CAPS2: variants seen among roughly 807,000 people sequenced by gnomAD.
CAPS2 encodes the protein calcyphosine 2.
In CAPS2, 98 loss-of-function variants were observed where a neutral mutation model predicts 86.5. The ratio of observed to expected loss-of-function variants is 1.13; its 90% CI spans 0.96 to 1.34. CAPS2 has a LOEUF of 1.34. Ranked by LOEUF, CAPS2 falls within the 40% of genes most tolerant of loss-of-function variation. The probability of loss-of-function intolerance (pLI) is 0.00; values close to 1 mark genes in which losing one functional copy is unlikely to be tolerated. For synonymous variants in CAPS2, 210 were observed against 225.1 expected (o/e 0.93, Z 0.60); for missense variants, 729 against 686.8 (o/e 1.06, Z -0.69).
intron 1 of CAPS2, among the ~76,000 whole-genome samples, chr12:75,362,845 C>T (rs1381643846): frequency 6.6e-6 from 1 of 152,094 alleles, no homozygotes; most frequent in Non-Finnish European, 1.5e-5. Context: ...CTATCACATG[C>T]ATAATTACAC....
At chr12:75,359,493 T>C (rs1403851440) in intron 1 of CAPS2, among the ~76,000 whole-genome samples, 1 of 149,208 alleles carries the variant, frequency 6.7e-6, no homozygotes, top group Non-Finnish European at 1.5e-5. Flanking sequence ...AGTGCAAAAA[T>C]TTTGAATAAC....
intron 1 of CAPS2, chr12:75,390,413 C>T (rs2045526362): frequency 6.6e-6 from 3 of 456,028 alleles, no homozygotes; most frequent in Admixed American, 4.7e-5. Flanking sequence ...ATGTTTTAAC[C>T]TTTGAAGAGT....
chr12:75,348,119 A>T (rs1341525889), intron 1 of CAPS2, among the ~76,000 whole-genome samples: 4 of 152,210 alleles, frequency 2.6e-5, no homozygotes, highest in Non-Finnish European at 5.9e-5. Flanking sequence ...TTAAGAAAAG[A>T]ACAACATAAC....
rs901543620 is a variant in CAPS2 at position 75,278,487 on chromosome 12, G to A, written c.*403C>T. ...GGTGGCAAATATATTCTGAGGAAGA[G>A]GTAGCAAAAAACAATGTGAAAGGAC... On this transcript the variant is annotated 3_prime_UTR_variant, in exon 17 of 17. Coordinates refer to ENST00000393284, the Ensembl canonical transcript of CAPS2. 6.1e-6 allele frequency: 6 copies of A among 986,936 alleles called. No homozygotes were observed. In the African/African-American group the frequency reaches 1.0e-4, roughly 17 times the overall value. The allele number at this position is 986,936 out of a possible 1,614,324, so 61.1% of individuals were successfully genotyped here. A position where few individuals can be genotyped will look rare whatever the true frequency, so the allele number is the denominator to read the frequency against.
At chr12:75,347,550 C>A in intron 1 of CAPS2, 1 of 901,994 alleles carries the variant, frequency 1.1e-6, no homozygotes. Context: ...AAAGATTATA[C>A]CAATTCTCTA....
chr12:75,363,152 T>C, intron 1 of CAPS2: 1 of 1,553,860 alleles, frequency 6.4e-7, no homozygotes, highest in Non-Finnish European at 8.6e-7. Flanking sequence ...TCTTGCTCTC[T>C]CTGCTCAAAA....
intron 8 of CAPS2, 87 bp from the exon 9 acceptor site, chr12:75,299,998 T>C: frequency 1.9e-6 from 1 of 539,618 alleles, no homozygotes; most frequent in Middle Eastern, 4.4e-4. Flanking sequence ...GTTATGTTAA[T>C]ATTTTGAAAC....
chr12:75,286,786 CA>C (rs1259285420), intron 14 of CAPS2, among the ~76,000 whole-genome samples: 1 of 151,460 alleles, frequency 6.6e-6, no homozygotes, highest in Non-Finnish European at 1.5e-5. Context: ...ATTGCATGAG[CA>C]GTTTACAGTG....
At chr12:75,388,867 A>C (rs1447437120) in intron 1 of CAPS2, among the ~76,000 whole-genome samples, 5 of 152,090 alleles carry the variant, frequency 3.3e-5, no homozygotes, top group Non-Finnish European at 2.9e-5. Context: ...ATAATGAGGG[A>C]GTTTATGTAT....
chr12:75,377,902 T>C (rs557546412), intron 1 of CAPS2, among the ~76,000 whole-genome samples: 1 of 151,550 alleles, frequency 6.6e-6, no homozygotes, highest in Non-Finnish European at 1.5e-5. Flanking sequence ...ATATCTGTAA[T>C]ATATATAATC....
chr12:75,332,702 G>C (rs2041416856), upstream of CAPS2, among the ~76,000 whole-genome samples: 1 of 152,066 alleles, frequency 6.6e-6, no homozygotes, highest in South Asian at 2.1e-4. Flanking sequence ...TTTTTATTGA[G>C]AGCCTAAAGA....
chr12:75,307,171 A>T lies in CAPS2; in HGVS notation c.660-2295T>A, dbSNP rs546160610. 1.5e-3 allele frequency among the ~76,000 whole-genome samples: 231 copies of T among 152,336 alleles called. 1 individual carries two copies. In the Middle Eastern group the frequency reaches 0.02, roughly 13 times the overall value. ...ATCTGGTCATTTGGCTCTGGGCCAA[A>T]GTTTTCTCATTAATAAAAGAAAGAA... On this transcript the variant is annotated intron_variant, in intron 7 of 16. Transcript: ENST00000393284.
intron 7 of CAPS2, chr12:75,305,915 T>G (rs2038422248): frequency 1.1e-6 from 1 of 924,056 alleles, no homozygotes; most frequent in Non-Finnish European, 1.8e-6. Flanking sequence ...CTCCACACCA[T>G]GAAGTCTGCG....
At chr12:75,386,065 T>G (rs1015007474) in intron 1 of CAPS2, among the ~76,000 whole-genome samples, 1 of 152,180 alleles carries the variant, frequency 6.6e-6, no homozygotes, top group Admixed American at 6.5e-5. Context: ...AAGGAATTTG[T>G]TAGGATATCA....
chr12:75,369,703 C>T (rs1833743630), intron 1 of CAPS2: 9 of 984,898 alleles, frequency 9.1e-6, no homozygotes, highest in African/African-American at 1.7e-5. Flanking sequence ...TACTTTATAG[C>T]TTTTTCTGGT....
At chr12:75,369,614 C>T (rs1472439056) in intron 1 of CAPS2, 1 of 984,232 alleles carries the variant, frequency 1.0e-6, no homozygotes, top group African/African-American at 1.8e-5. Flanking sequence ...GTTCTGCATA[C>T]AAAAAATTCA....
intron 1 of CAPS2, among the ~76,000 whole-genome samples, chr12:75,363,689 C>T (rs914972592): frequency 1.3e-5 from 2 of 152,010 alleles, no homozygotes; most frequent in African/African-American, 4.8e-5. Context: ...AAAATGGAGC[C>T]ATGTGTCAAC....
intron 9 of CAPS2, 68 bp from the exon 10 acceptor site, chr12:75,299,034 A>G: frequency 9.8e-7 from 1 of 1,017,052 alleles, no homozygotes. Context: ...ACTAAAAAAC[A>G]TGTTCATCTC....
At chr12:75,315,755 C>G (rs1438313428) in intron 6 of CAPS2, among the ~76,000 whole-genome samples, 2 of 152,150 alleles carry the variant, frequency 1.3e-5, no homozygotes, top group Admixed American at 6.5e-5. Flanking sequence ...GGTCAGTGAC[C>G]TCCAACTCCA....
Sources: allele counts gnomAD v4.1 joint callset (sites outside exome capture counted in the v4.1 genomes callset), GRCh38; gene constraint gnomAD v4.1.1; transcripts MANE v1.5; gene names NCBI Gene and HGNC (gene_info 2026-07-23, HGNC 2026-07-21).